Variants in COL5A1 observed in about 807,000 individuals in gnomAD.
COL5A1 encodes collagen type V alpha 1 chain, also known as collagen alpha-1(V) chain.
Under a neutral mutation model 263.7 loss-of-function variants are expected in COL5A1, and 16 were observed. The ratio of observed to expected loss-of-function variants is 0.06; its 90% CI spans 0.04 to 0.09. The LOEUF is 0.09. Among genes scored for constraint, COL5A1 ranks in the 10% least tolerant of loss-of-function variants. The pLI is 1.00. For missense variants in COL5A1, 2,036 were observed against 2,540.5 expected (o/e 0.80, Z 4.27); for synonymous variants, 1,012 against 1,004.5 (o/e 1.01, Z -0.14).
chr9:134,654,118 TA>T (rs1831801962), intron 1 of COL5A1, among the ~76,000 whole-genome samples: 2 of 61,132 alleles, frequency 3.3e-5, no homozygotes, highest in Non-Finnish European at 6.4e-5. Flanking sequence ...GTGTAGGGCT[TA>T]GGGTGTGTAG....
Position 134,642,244 on chromosome 9 carries a change from G to T in COL5A1, c.57G>T (p.Leu19=), listed in dbSNP as rs761259908. The T allele has an allele frequency of 3.1e-6, 4 of 1,283,062 alleles. No homozygotes were observed. In the South Asian group the frequency reaches 7.2e-5, roughly 23 times the overall value. The allele number at this position is 1,283,062 out of a possible 1,614,324, so 79.5% of individuals were successfully genotyped here. Residue 19 remains leucine (L), a synonymous_variant, in exon 1 of 66, where the codon CTG becomes CTT. Transcript: ENST00000371817. The surrounding 1 kb of genome is among the most constrained non-coding windows in gnomAD (Gnocchi z 4.5). ...GCGCGCTCCGCCCGGGCGCCCCGCT[G>T]CTGCCCCCGCTGCTGCTGCTGCTGC... is the stretch of plus-strand genomic sequence containing the variant. ...ARSALRPGAP[L]LPPLLLLLLW...
At chr9:134,799,500 C>T (rs4842168) in intron 37 of COL5A1, among the ~76,000 whole-genome samples, 66,394 of 152,106 alleles carry the variant, frequency 0.44, 14,527 homozygotes, top group Middle Eastern at 0.48. Flanking sequence ...GAGGGGCATG[C>T]CAGGATCACT....
intron 1 of COL5A1, among the ~76,000 whole-genome samples, chr9:134,655,571 T>C (rs1159234373): frequency 6.6e-6 from 1 of 152,126 alleles, no homozygotes; most frequent in Non-Finnish European, 1.5e-5. Context: ...ATGTGTAAAC[T>C]GCTAGGACCA....
intron 57 of COL5A1, 140 bp downstream of exon 57, chr9:134,819,193 G>A: frequency 2.1e-6 from 2 of 940,156 alleles, no homozygotes; most frequent in Non-Finnish European, 1.7e-6. Context: ...GGGAACCTGA[G>A]GGGTGACAAA....
At chr9:134,830,612 C>T (rs1839574425) in intron 64 of COL5A1, among the ~76,000 whole-genome samples, 1 of 152,246 alleles carries the variant, frequency 6.6e-6, no homozygotes, top group Admixed American at 6.5e-5. Context: ...CACGGATCCC[C>T]TCTCCCCAGC....
chr9:134,770,775 AT>A (rs1836841051), intron 25 of COL5A1, among the ~76,000 whole-genome samples: 1 of 152,086 alleles, frequency 6.6e-6, no homozygotes, highest in Non-Finnish European at 1.5e-5. Flanking sequence ...ATTATAGAAT[AT>A]TGGGAAACAC....
chr9:134,829,214 C>G (rs1023805927), intron 63 of COL5A1, among the ~76,000 whole-genome samples: 2 of 152,340 alleles, frequency 1.3e-5, no homozygotes, highest in East Asian at 1.9e-4. Flanking sequence ...ACATGCAAAA[C>G]GAGAGGCAGA....
intron 1 of COL5A1, among the ~76,000 whole-genome samples, chr9:134,648,768 G>C (rs535080331): frequency 1.3e-5 from 2 of 152,158 alleles, no homozygotes; most frequent in Non-Finnish European, 2.9e-5. Context: ...CACTGGGTAC[G>C]CAGGAGAAAA....
intron 4 of COL5A1, among the ~76,000 whole-genome samples, chr9:134,724,585 G>A (rs187686484): frequency 6.6e-6 from 1 of 152,348 alleles, no homozygotes; most frequent in East Asian, 1.9e-4. Context: ...AAGTCTTCGT[G>A]GAAGAGAGCA....
Position 134,806,190 on chromosome 9 carries a change from G to T in COL5A1, c.3260G>T (p.Gly1087Val), listed in dbSNP as rs559882772. The T allele has an allele frequency of 6.5e-7, 1 of 1,549,694 alleles. No homozygotes were observed. The highest frequency in any genetic ancestry group is 2.0e-5 in the Admixed American group (1 of 51,000). The change falls in exon 42 of 66, where the codon GGA (glycine) becomes GTA (valine). Residue 1087 changes from glycine to valine, a missense_variant and splice_region_variant. This residue lies in a region of COL5A1 where 1,078 missense variants were observed against 1,521.4 expected (regional missense o/e 0.71). Coordinates refer to ENST00000371817, the MANE Select transcript of COL5A1 (RefSeq NM_000093.5). ...GACTGTTTTCTTGCTCCACCTCAGG[G>T]ATCTCCAGGGGAGAGAGGTCCAGCT... ...EGPPGPPGPA[G>V]SPGERGPAGA...
chr9:134,834,740 G>A (rs376127732), intron 64 of COL5A1, among the ~76,000 whole-genome samples: 8 of 151,662 alleles, frequency 5.3e-5, no homozygotes, highest in East Asian at 1.9e-4. Context: ...AGAGAAGTGG[G>A]TGGATTATTT....
intron 44 of COL5A1, chr9:134,810,581 T>C (rs899120318): frequency 2.1e-6 from 1 of 476,102 alleles, no homozygotes; most frequent in Non-Finnish European, 3.7e-6. Context: ...CTAGAGGGCT[T>C]GGGTTCTGCA....
intron 4 of COL5A1, among the ~76,000 whole-genome samples, chr9:134,718,996 G>A (rs1051443570): frequency 2.0e-5 from 3 of 152,178 alleles, no homozygotes; most frequent in Non-Finnish European, 4.4e-5. Flanking sequence ...GAAGCATGCC[G>A]GGCACAGGCG....
At chr9:134,790,825 C>G (rs2132789816) in intron 32 of COL5A1, among the ~76,000 whole-genome samples, 1 of 151,838 alleles carries the variant, frequency 6.6e-6, no homozygotes, top group South Asian at 2.1e-4. Flanking sequence ...TGTGAGGTAC[C>G]CCGGTGGGCT....
intron 16 of COL5A1, among the ~76,000 whole-genome samples, chr9:134,756,270 T>C (rs1835969809): frequency 6.6e-6 from 1 of 152,236 alleles, no homozygotes; most frequent in Non-Finnish European, 1.5e-5. Flanking sequence ...TGAGTGAGAC[T>C]GGGCCTCACT....
intron 34 of COL5A1, 60 bp downstream of exon 34, chr9:134,795,375 A>C: frequency 6.8e-7 from 1 of 1,462,814 alleles, no homozygotes; most frequent in Non-Finnish European, 9.6e-7. Context: ...GGCTACAGAG[A>C]CGTGGAGCGT....
chr9:134,740,631 G>T (rs1276512903), intron 11 of COL5A1, among the ~76,000 whole-genome samples: 2 of 152,224 alleles, frequency 1.3e-5, no homozygotes, highest in Non-Finnish European at 2.9e-5. Context: ...CTGAGTGCCT[G>T]CAGGGCTGGG....
intron 38 of COL5A1, 104 bp downstream of exon 38, chr9:134,802,111 G>C: frequency 8.7e-7 from 1 of 1,144,438 alleles, no homozygotes. Context: ...TTCCGGAGGT[G>C]CAGGTACTGC....
chr9:134,769,225 G>A (rs1362669270), intron 25 of COL5A1, among the ~76,000 whole-genome samples: 1 of 152,224 alleles, frequency 6.6e-6, no homozygotes, highest in South Asian at 2.1e-4. Context: ...TAAATATGTT[G>A]ATGATTATCG....
Sources: gnomAD v4.1 joint callset for allele counts (sites outside exome capture counted in the v4.1 genomes callset) on GRCh38, gnomAD v4.1.1 for gene constraint, gnomAD v4.1.1 regional missense constraint, Gnocchi (gnomAD v3.1) non-coding constraint, MANE v1.5 for transcripts, NCBI Gene and HGNC (gene_info 2026-07-23, HGNC 2026-07-21) for gene names.